CD109: variants seen among roughly 807,000 people sequenced by gnomAD.
The protein encoded by CD109 is CD109 antigen.
In CD109, 149 loss-of-function variants were observed where a neutral mutation model predicts 165.8. The ratio of observed to expected loss-of-function variants is 0.90; its 90% CI spans 0.79 to 1.03. The LOEUF (loss-of-function observed/expected upper bound fraction) is 1.03, where lower values mean the gene tolerates loss of function less well. Among genes scored for constraint, CD109 ranks in the 50% least tolerant of loss-of-function variants. The pLI, the probability that CD109 is intolerant of heterozygous loss-of-function variation, is 0.00. For synonymous variants in CD109, 585 were observed against 592.1 expected (o/e 0.99, Z 0.18); for missense variants, 1,712 against 1,677.8 (o/e 1.02, Z -0.36).
intron 2 of CD109, among the ~76,000 whole-genome samples, chr6:73,704,179 CA>C (rs58505053): frequency 7.6e-3 from 602 of 79,212 alleles, no homozygotes; most frequent in Middle Eastern, 0.028. Flanking sequence ...GACTCCATCT[CA>C]AAAAAAAAAA....
At chr6:73,746,086 C>T (rs576349074) in intron 5 of CD109, among the ~76,000 whole-genome samples, 25 of 152,260 alleles carry the variant, frequency 1.6e-4, no homozygotes, top group South Asian at 4.1e-4. Context: ...CAGAAAGTTG[C>T]GAAGATAGCA....
chr6:73,744,422 T>A (rs556703204), intron 5 of CD109, among the ~76,000 whole-genome samples: 2 of 152,320 alleles, frequency 1.3e-5, no homozygotes, highest in Non-Finnish European at 2.9e-5. Context: ...GAAATATCTT[T>A]GTATATTTTC....
chr6:73,708,722 T>A (rs1181327240), intron 2 of CD109, among the ~76,000 whole-genome samples: 1 of 152,228 alleles, frequency 6.6e-6, no homozygotes. Context: ...CTCATTGTGG[T>A]TTTGATTTGC....
At chr6:73,761,066 CACACAA>C (rs1270279755) in intron 7 of CD109, among the ~76,000 whole-genome samples, 37 of 131,816 alleles carry the variant, frequency 2.8e-4, no homozygotes, top group African/African-American at 8.2e-4. Context: ...CACACACACA[CACACAA>C]ACCCAGAAAC....
chr6:73,703,628 C>G (rs539815064), intron 2 of CD109, among the ~76,000 whole-genome samples: 1 of 152,296 alleles, frequency 6.6e-6, no homozygotes, highest in South Asian at 2.1e-4. Flanking sequence ...GATATATTTA[C>G]AAATGCTGAT....
intron 24 of CD109, among the ~76,000 whole-genome samples, chr6:73,803,763 C>G (rs935480384): frequency 6.6e-6 from 1 of 151,994 alleles, no homozygotes; most frequent in Non-Finnish European, 1.5e-5. Flanking sequence ...TTCCTCCAGA[C>G]TGGAATCTCT....
At chr6:73,784,343 G>A (rs886402154) in intron 19 of CD109, among the ~76,000 whole-genome samples, 3 of 152,090 alleles carry the variant, frequency 2.0e-5, no homozygotes, top group East Asian at 1.9e-4. Context: ...CAAAATAATC[G>A]TATTCATGAA....
At chr6:73,690,089 T>A in the CD109 span, among the ~76,000 whole-genome samples, 2 of 152,244 alleles carry the variant, frequency 1.3e-5, no homozygotes, top group African/African-American at 4.8e-5. Context: ...TCCTTTTTAC[T>A]GCACTATTTT....
intron 23 of CD109, 82 bp from the exon 24 acceptor site, chr6:73,803,138 C>T (rs1422131090): frequency 2.6e-5 from 24 of 914,438 alleles, no homozygotes; most frequent in South Asian, 4.1e-5. Context: ...CCCATATTTC[C>T]TCAATATGAA....
chr6:73,789,414 C>T (rs540628640), intron 22 of CD109, among the ~76,000 whole-genome samples: 20 of 105,020 alleles, frequency 1.9e-4, no homozygotes, highest in African/African-American at 4.3e-5. Flanking sequence ...AAATACTTAA[C>T]TGTTTTTTTT....
At chr6:73,707,559 A>G (rs372880702) in intron 2 of CD109, among the ~76,000 whole-genome samples, 3 of 152,146 alleles carry the variant, frequency 2.0e-5, no homozygotes, top group African/African-American at 7.2e-5. Context: ...GAACCCTAGC[A>G]TCACCTAATA....
At chr6:73,797,546 TC>T (rs1775205688) in intron 23 of CD109, among the ~76,000 whole-genome samples, 1 of 149,432 alleles carries the variant, frequency 6.7e-6, no homozygotes, top group African/African-American at 2.5e-5. Context: ...GTAAACAAAT[TC>T]ATAATGATTT....
In CD109 at chr6:73,808,093, A is replaced by G. The variant is rs1465592267; in HGVS notation, c.3200A>G (p.Asp1067Gly). The G allele has an allele frequency of 6.2e-7, 1 of 1,612,942 alleles. No individual in the cohort carries two copies. The highest frequency in any genetic ancestry group is 8.5e-7 in the Non-Finnish European group (1 of 1,179,406). The change falls in exon 26 of 33, where the codon GAT (aspartate) becomes GGT (glycine). Residue 1067 changes from aspartate to glycine, a missense_variant. By Grantham distance (94) the Asp-to-Gly change is moderately conservative (BLOSUM62 -1). Coordinates refer to ENST00000287097, the MANE Select transcript of CD109 (RefSeq NM_133493.5). ...TTTTTTTCTTCCAAGCCTAACATTG[A>G]TGTGCAAGAGTCTATCCATTTTTTG... ...LGYRKYQPNI[D>G]VQESIHFLES...
chr6:73,707,557 G>A (rs1771328313), intron 2 of CD109, among the ~76,000 whole-genome samples: 1 of 152,068 alleles, frequency 6.6e-6, no homozygotes. Context: ...TTGAACCCTA[G>A]CATCACCTAA....
chr6:73,808,404 A>G (rs191807310), intron 26 of CD109, among the ~76,000 whole-genome samples, 156 bp downstream of exon 26: 4 of 152,282 alleles, frequency 2.6e-5, no homozygotes, highest in East Asian at 1.9e-4. Flanking sequence ...CATGGCCACA[A>G]TGCTTCTGGT....
the CD109 span, among the ~76,000 whole-genome samples, chr6:73,686,596 C>A: frequency 6.6e-6 from 1 of 152,052 alleles, no homozygotes; most frequent in Non-Finnish European, 1.5e-5. Context: ...TCTATACAAT[C>A]CAATGTGGTA....
chr6:73,752,818 G>A (rs1291444556), intron 5 of CD109, among the ~76,000 whole-genome samples: 1 of 152,176 alleles, frequency 6.6e-6, no homozygotes, highest in Non-Finnish European at 1.5e-5. Flanking sequence ...CAGAGTGAAT[G>A]AGCATGAACT....
chr6:73,713,514 A>G (rs1013481913), intron 2 of CD109, among the ~76,000 whole-genome samples: 5 of 151,960 alleles, frequency 3.3e-5, no homozygotes, highest in African/African-American at 4.8e-5. Context: ...CAGCCCTCCC[A>G]AAGTGCTGGT....
At chr6:73,690,253 T>C in the CD109 span, among the ~76,000 whole-genome samples, 1 of 152,234 alleles carries the variant, frequency 6.6e-6, no homozygotes, top group Non-Finnish European at 1.5e-5. Flanking sequence ...TTTCCCTTTT[T>C]CTTGGCTTAT....
Sources: allele counts gnomAD v4.1 joint callset (sites outside exome capture counted in the v4.1 genomes callset), GRCh38; gene constraint gnomAD v4.1.1; transcripts MANE v1.5; gene names NCBI Gene and HGNC (gene_info 2026-07-23, HGNC 2026-07-21).